The following PFKFB3 variants were observed in gnomAD, a reference collection of about 807,000 sequenced individuals.
PFKFB3 encodes the protein 6-phosphofructo-2-kinase/fructose-2,6-bisphosphatase 3.
PFKFB3 carries 33 observed loss-of-function variants against 68.0 expected under a neutral mutation model. That is an observed-to-expected ratio of 0.49 (90% confidence interval 0.37 to 0.65). The LOEUF is 0.65. Ranked by LOEUF, PFKFB3 falls within the 30% of genes least tolerant of loss-of-function variation. PFKFB3 has a pLI of 0.00. For missense variants in PFKFB3, 586 were observed against 712.2 expected (o/e 0.82, Z 2.02); for synonymous variants, 315 against 288.2 (o/e 1.09, Z -0.94).
At chr10:6,147,110 C>A (rs1429231912) in intron 1 of PFKFB3, among the ~76,000 whole-genome samples, 1 of 152,140 alleles carries the variant, frequency 6.6e-6, no homozygotes, top group Non-Finnish European at 1.5e-5. Flanking sequence ...AGCCAGGCCG[C>A]GGCTGGGTTT....
intron 14 of PFKFB3, among the ~76,000 whole-genome samples, chr10:6,249,440 C>T (rs1258270948): frequency 6.6e-6 from 1 of 152,062 alleles, no homozygotes. Context: ...ATGGAACCAA[C>T]ATAAGTGTTC....
chr10:6,204,150 T>TG (rs995347511), intron 1 of PFKFB3, among the ~76,000 whole-genome samples: 1 of 152,234 alleles, frequency 6.6e-6, no homozygotes. Context: ...AGCGATCGCT[T>TG]GGGAGAGGGT....
upstream of PFKFB3, among the ~76,000 whole-genome samples, chr10:6,200,827 C>T (rs531633939): frequency 1.3e-5 from 2 of 152,306 alleles, no homozygotes; most frequent in East Asian, 1.9e-4. Context: ...TGCGAAAGTT[C>T]AGCTGGACCT....
chr10:6,280,067 C>T, the PFKFB3 span, among the ~76,000 whole-genome samples: 1 of 152,144 alleles, frequency 6.6e-6, no homozygotes, highest in African/African-American at 2.4e-5. Flanking sequence ...TGGCTCGTTA[C>T]CTTTGAGCTG....
Position 6,229,206 on chromosome 10 carries a change from T to C in PFKFB3, c.1515+2841T>C, listed in dbSNP as rs191568032. 1.6e-4 allele frequency: 77 copies of C among 492,130 alleles called. 2 individuals carry two copies. In the Admixed American group the frequency reaches 1.6e-3, roughly 10 times the overall value. The allele number at this position is 492,130 out of a possible 1,614,324, so 30.5% of individuals were successfully genotyped here. ...GTTTGGCATGGCGCTCAGATTTTGG[T>C]GGCAAAGGGGTGAAGGGCCAGAGGA... On this transcript the variant is annotated intron_variant, in intron 14 of 14. Coordinates refer to ENST00000379775, the MANE Select transcript of PFKFB3 (RefSeq NM_004566.4). This position sits in a 1 kb window ranked among gnomAD's most constrained non-coding sequence, Gnocchi z 4.3.
the PFKFB3 span, among the ~76,000 whole-genome samples, chr10:6,310,703 C>T: frequency 1.3e-5 from 2 of 152,098 alleles, no homozygotes; most frequent in Non-Finnish European, 2.9e-5. Context: ...ATAAGGAATA[C>T]TACTATATTT....
At chr10:6,250,191 T>G (rs1846349052) in intron 14 of PFKFB3, among the ~76,000 whole-genome samples, 1 of 152,238 alleles carries the variant, frequency 6.6e-6, no homozygotes, top group Non-Finnish European at 1.5e-5. Context: ...TAAAATAGTT[T>G]AACACATAAA....
chr10:6,221,560 C>G, intron 9 of PFKFB3, 33 bp downstream of exon 9: 3 of 1,612,212 alleles, frequency 1.9e-6, no homozygotes, highest in Non-Finnish European at 2.5e-6. Context: ...GCAGCCTCAC[C>G]CTCGGGCATG....
intron 1 of PFKFB3, among the ~76,000 whole-genome samples, chr10:6,176,047 C>T (rs915485789): frequency 6.6e-6 from 1 of 152,236 alleles, no homozygotes; most frequent in African/African-American, 2.4e-5. Context: ...CGGGTGAGAG[C>T]CCCCAAACGG....
At chr10:6,230,154 A>C (rs1845648886) in intron 14 of PFKFB3, among the ~76,000 whole-genome samples, 1 of 152,212 alleles carries the variant, frequency 6.6e-6, no homozygotes, top group East Asian at 1.9e-4. Context: ...CGTTTGCTAG[A>C]ATCCCTCCTG....
At chr10:6,287,932 C>A in the PFKFB3 span, among the ~76,000 whole-genome samples, 8 of 152,206 alleles carry the variant, frequency 5.3e-5, no homozygotes, top group East Asian at 1.3e-3. Flanking sequence ...TGAAAAACTT[C>A]TTTTAATATT....
chr10:6,238,773 T>A (rs1846080228), downstream of PFKFB3, among the ~76,000 whole-genome samples: 1 of 152,160 alleles, frequency 6.6e-6, no homozygotes, highest in Non-Finnish European at 1.5e-5. Flanking sequence ...TATGTGTCCA[T>A]GTGTTCTCAT....
chr10:6,271,401 C>G, the PFKFB3 span, among the ~76,000 whole-genome samples: 1 of 152,314 alleles, frequency 6.6e-6, no homozygotes, highest in Admixed American at 6.5e-5. Context: ...GGTGTGGGAG[C>G]CAAGAGGCGG....
intron 1 of PFKFB3, among the ~76,000 whole-genome samples, chr10:6,189,767 G>A (rs1318423506): frequency 5.3e-5 from 8 of 151,978 alleles, no homozygotes; most frequent in East Asian, 1.9e-4. Flanking sequence ...CGCCCGCCTC[G>A]GCCTCCCAGA....
intron 12 of PFKFB3, 30 bp downstream of exon 12, chr10:6,224,050 C>T (rs750036036): frequency 1.6e-5 from 26 of 1,613,414 alleles, no homozygotes; most frequent in Non-Finnish European, 2.0e-5. Flanking sequence ...AAGCCCTGTC[C>T]CCCTGAAGGT....
At chr10:6,147,753 G>T (rs141330840) in intron 1 of PFKFB3, among the ~76,000 whole-genome samples, 4 of 152,224 alleles carry the variant, frequency 2.6e-5, no homozygotes, top group Non-Finnish European at 4.4e-5. Context: ...CCAGAGGGCC[G>T]GGGAGCCTGA....
At chr10:6,147,785 C>A (rs895846643) in intron 1 of PFKFB3, among the ~76,000 whole-genome samples, 2 of 149,384 alleles carry the variant, frequency 1.3e-5, no homozygotes, top group African/African-American at 5.1e-5. Context: ...ATACAGGGGA[C>A]CTGACGGGGT....
At chr10:6,243,874 G>T (rs115618537) in intron 14 of PFKFB3, among the ~76,000 whole-genome samples, 6 of 151,954 alleles carry the variant, frequency 3.9e-5, no homozygotes, top group African/African-American at 1.5e-4. Flanking sequence ...CTTAGTGTGC[G>T]CCATCATGCC....
downstream of PFKFB3, among the ~76,000 whole-genome samples, chr10:6,255,274 G>A (rs541598146): frequency 4.0e-5 from 6 of 151,862 alleles, no homozygotes; most frequent in East Asian, 3.9e-4. Flanking sequence ...ACAGTCACAC[G>A]CCACCATGCC....
Sources: gnomAD v4.1 joint callset for allele counts (sites outside exome capture counted in the v4.1 genomes callset) on GRCh38, gnomAD v4.1.1 for gene constraint, Gnocchi (gnomAD v3.1) non-coding constraint, MANE v1.5 for transcripts, NCBI Gene and HGNC (gene_info 2026-07-23, HGNC 2026-07-21) for gene names.